The following FRMD6 variants were observed in gnomAD, a reference collection of about 807,000 sequenced individuals.
FRMD6 encodes the protein FERM domain-containing protein 6.
In FRMD6, 37 loss-of-function variants were observed where a neutral mutation model predicts 73.2. The observed-to-expected ratio is 0.51, with a 90% CI of 0.39 to 0.66. The LOEUF is 0.66. Among genes scored for constraint, FRMD6 ranks in the 30% least tolerant of loss-of-function variants. FRMD6 has a pLI of 0.00. For synonymous variants in FRMD6, 273 were observed against 282.2 expected, an observed-to-expected ratio of 0.97 and a Z score of 0.33; for missense variants, 714 against 780.5, an observed-to-expected ratio of 0.91 and a Z score of 1.02.
rs144016037 is a variant in FRMD6, at chr14:51,585,923, A to ATGTGTGTGTGTG, written c.-147+15519_-147+15530dup. Among the ~76,000 whole-genome samples, 56 of 36,832 alleles carry ATGTGTGTGTGTG rather than the reference A, an allele frequency of 1.5e-3. 6 individuals carry two copies. In the South Asian group the frequency reaches 0.017, roughly 11 times the overall value. The allele number at this position is 36,832 out of a possible 152,430, so 24.2% of individuals were successfully genotyped here. On this transcript the variant is annotated intron_variant, in intron 2 of 14. Coordinates refer to the FRMD6 transcript ENST00000356218. ...TTATGGCTGAATAGTATGCCATGGC[A>ATGTGTGTGTGTG]TGTGTGTGTGTGTGTGTATATATAT...
At chr14:51,679,029 G>A (rs999677291) in intron 1 of FRMD6, among the ~76,000 whole-genome samples, 7 of 152,142 alleles carry the variant, frequency 4.6e-5, no homozygotes, top group Non-Finnish European at 7.4e-5. Flanking sequence ...AAGGATTACT[G>A]TGCTTTAGTG....
Position 51,702,574 on chromosome 14 carries a change from T to C in FRMD6, c.357T>C (p.Asn119=). 2 of 1,611,784 alleles carry C rather than the reference T, an allele frequency of 1.2e-6. No homozygotes were observed. The highest frequency in any genetic ancestry group is 8.5e-7 in the Non-Finnish European group (1 of 1,178,388). ...TCCGTGTGCAGTACTATGTGGAAAA[T>C]GGCAGATTGATCAGGTAAGAGGACA... ...IHFRVQYYVE[N]GRLISDRAAR... is the part of the protein sequence containing the mutation. The change falls in exon 5 of 14, where the codon AAT becomes AAC. Residue 119 remains asparagine, a synonymous_variant. Coordinates refer to ENST00000344768, the MANE Select transcript of FRMD6 (RefSeq NM_001267046.2).
At chr14:51,476,421 A>C in the FRMD6 span, among the ~76,000 whole-genome samples, 1 of 152,188 alleles carries the variant, frequency 6.6e-6, no homozygotes, top group Non-Finnish European at 1.5e-5. Flanking sequence ...ACACCTGAAC[A>C]AGCTAAATCT....
At chr14:51,469,826 T>G in the FRMD6 span, among the ~76,000 whole-genome samples, 1 of 152,148 alleles carries the variant, frequency 6.6e-6, no homozygotes, top group Admixed American at 6.5e-5. Flanking sequence ...CTGAAAATGT[T>G]TGTGTAAGAT....
chr14:51,416,270 G>T, the FRMD6 span, among the ~76,000 whole-genome samples: 2 of 152,098 alleles, frequency 1.3e-5, no homozygotes, highest in South Asian at 2.1e-4. Flanking sequence ...GATCTTTCCT[G>T]CTTTCTTTTG....
At chr14:51,408,008 A>G in the FRMD6 span, among the ~76,000 whole-genome samples, 1 of 152,068 alleles carries the variant, frequency 6.6e-6, no homozygotes, top group African/African-American at 2.4e-5. Context: ...GGCTGCTTTT[A>G]ATGCTTTCTT....
intron 1 of FRMD6, among the ~76,000 whole-genome samples, chr14:51,525,845 G>T (rs1324453964): frequency 2.6e-5 from 4 of 152,082 alleles, no homozygotes; most frequent in African/African-American, 9.7e-5. Flanking sequence ...GTCACTTGAG[G>T]GGGTCCACTG....
intron 1 of FRMD6, among the ~76,000 whole-genome samples, chr14:51,675,079 C>T (rs1226234151): frequency 8.5e-5 from 13 of 152,092 alleles, no homozygotes; most frequent in African/African-American, 3.1e-4. Flanking sequence ...TAGAATGTTG[C>T]TAGATAGGTA....
chr14:51,598,112 G>C (rs1889822726), intron 2 of FRMD6, among the ~76,000 whole-genome samples: 1 of 152,092 alleles, frequency 6.6e-6, no homozygotes. Context: ...TGTTTTCATT[G>C]ACAATGAAAT....
At chr14:51,622,852 A>G (rs1202912653) in intron 2 of FRMD6, among the ~76,000 whole-genome samples, 2 of 152,128 alleles carry the variant, frequency 1.3e-5, no homozygotes, top group Non-Finnish European at 2.9e-5. Context: ...TGCAGCTTCA[A>G]TCTTCAGGAC....
the FRMD6 span, among the ~76,000 whole-genome samples, chr14:51,471,046 GT>G: frequency 8.5e-5 from 13 of 152,080 alleles, no homozygotes; most frequent in Non-Finnish European, 1.9e-4. Context: ...TTATGTAGAT[GT>G]TTTTTCTGGT....
At chr14:51,617,961 G>T (rs1163913199) in intron 2 of FRMD6, among the ~76,000 whole-genome samples, 1 of 152,066 alleles carries the variant, frequency 6.6e-6, no homozygotes, top group Non-Finnish European at 1.5e-5. Flanking sequence ...AGTGTTTAAT[G>T]AAAATTTATT....
At chr14:51,506,852 A>G (rs76715447) in intron 1 of FRMD6, among the ~76,000 whole-genome samples, 16,282 of 152,210 alleles carry the variant, frequency 0.11, 1,026 homozygotes, top group East Asian at 0.26. Flanking sequence ...AAAAGTGACA[A>G]TATGGATCTA....
chr14:51,704,557 C>G (rs1566580745), intron 5 of FRMD6, 192 bp from the exon 6 acceptor site: 1 of 540,696 alleles, frequency 1.8e-6, no homozygotes, highest in Non-Finnish European at 3.3e-6. Context: ...ATTTGGGGTT[C>G]TGACCCCCTG....
At chr14:51,560,165 G>A (rs1301630988) in intron 1 of FRMD6, among the ~76,000 whole-genome samples, 1 of 152,060 alleles carries the variant, frequency 6.6e-6, no homozygotes, top group Non-Finnish European at 1.5e-5. Flanking sequence ...TTGCATTCTT[G>A]TTTTCTGTAT....
chr14:51,571,066 T>A (rs1490156027), intron 2 of FRMD6, among the ~76,000 whole-genome samples: 1 of 152,230 alleles, frequency 6.6e-6, no homozygotes, highest in African/African-American at 2.4e-5. Context: ...CTGCCTTTTA[T>A]AATTAACATA....
chr14:51,426,195 G>A, the FRMD6 span, among the ~76,000 whole-genome samples: 4 of 152,018 alleles, frequency 2.6e-5, no homozygotes, highest in South Asian at 4.2e-4. Context: ...TGTCATAATC[G>A]TTAGTTATAT....
intron 2 of FRMD6, among the ~76,000 whole-genome samples, chr14:51,630,138 C>G (rs1891281383): frequency 6.6e-6 from 1 of 152,034 alleles, no homozygotes; most frequent in African/African-American, 2.4e-5. Flanking sequence ...TCTTTATTTT[C>G]TTCTCAAAAT....
chr14:51,417,480 C>G, the FRMD6 span, among the ~76,000 whole-genome samples: 2 of 152,136 alleles, frequency 1.3e-5, no homozygotes, highest in African/African-American at 4.8e-5. Flanking sequence ...AATATTGGCC[C>G]CCACTCTCTT....
Sources: gnomAD v4.1 joint callset for allele counts (sites outside exome capture counted in the v4.1 genomes callset) on GRCh38, gnomAD v4.1.1 for gene constraint, MANE v1.5 for transcripts, NCBI Gene and HGNC (gene_info 2026-07-23, HGNC 2026-07-21) for gene names.